The following MYBL1 variants were observed in gnomAD, a reference collection of about 807,000 sequenced individuals.
The protein encoded by MYBL1 is MYB proto-oncogene like 1, also known as myb-related protein A.
Under a neutral mutation model 96.3 loss-of-function variants are expected in MYBL1, and 17 were observed. That is an observed-to-expected ratio of 0.18 (90% CI 0.12 to 0.26). MYBL1 has a LOEUF of 0.26. Among genes scored for constraint, MYBL1 ranks in the 10% least tolerant of loss-of-function variants. The pLI is 1.00. For synonymous variants in MYBL1, 282 were observed against 292.7 expected, an observed-to-expected ratio of 0.96 and a Z score of 0.37; for missense variants, 701 against 882.9, an observed-to-expected ratio of 0.79 and a Z score of 2.61.
At position 66,579,237 on chromosome 8, in the gene MYBL1, A is replaced by T. The variant is rs554433067; in HGVS notation, c.1101+896T>A. Among the ~76,000 whole-genome samples the T allele has an allele frequency of 2.3e-4, 35 of 151,992 alleles. 1 individual carries two copies. The highest frequency in any genetic ancestry group is 2.1e-4 in the South Asian group (1 of 4,812). Reference sequence around the variant, plus strand: ...CTAAAACTTAAAGTATAATAATAATAAAAAAATTAAAAAAAAATTTTTTTT... The same window carrying T: ...CTAAAACTTAAAGTATAATAATAATTAAAAAATTAAAAAAAAATTTTTTTT... On this transcript the variant is annotated intron_variant, in intron 9 of 15. Transcript: ENST00000522677.
At position 66,613,178 on chromosome 8, in the gene MYBL1, C is replaced by T; in HGVS notation, c.-340G>A. On this transcript the variant is annotated 5_prime_UTR_variant, in exon 1 of 16. Transcript: ENST00000522677. ...GGCCCCAGCCCGGCTCCGCCACAGG[C>T]GCCCGACCCCTGCCCTCTCCCCCGC... The T allele has an allele frequency of 5.0e-6, 2 of 400,994 alleles. No individual in the cohort carries two copies. The highest frequency in any genetic ancestry group is 3.6e-5 in the East Asian group (1 of 28,066). The allele number at this position is 400,994 out of a possible 1,614,324, so 24.8% of individuals were successfully genotyped here.
chr8:66,597,884 A>G (rs1013008303), intron 4 of MYBL1, among the ~76,000 whole-genome samples: 3 of 150,510 alleles, frequency 2.0e-5, no homozygotes, highest in African/African-American at 4.9e-5. Flanking sequence ...CGCTTCAGCC[A>G]AAAGCAAAAA....
In MYBL1 at chr8:66,566,927, G is replaced by C; in HGVS notation, c.1794C>G (p.Asp598Glu). ...GTTCATCTTCCTCTTTGAGGAATAG[G>C]TCTGTTCCAGTTTCTTCTTTTAAAA... ...REVLKEETGT[D>E]LFLKEEDEPA... Residue 598 changes from aspartate (D) to glutamate (E), a missense_variant, in exon 13 of 16, where the codon GAC becomes GAG. Physicochemically the swap from Asp to Glu is conservative, Grantham distance 45. Coordinates refer to ENST00000522677, the MANE Select transcript of MYBL1 (RefSeq NM_001080416.4). 6.2e-7 allele frequency: 1 copy of C among 1,613,322 alleles called. No homozygotes were observed. The highest frequency in any genetic ancestry group is 8.5e-7 in the Non-Finnish European group (1 of 1,179,582).
At position 66,592,607 on chromosome 8, in the gene MYBL1, C is replaced by T. The variant is rs1018353081; in HGVS notation, c.763-63G>A. On this transcript the variant is annotated intron_variant, in intron 7 of 15. Transcript: ENST00000522677. ...ATATAATTGCTTTATTATTAGTATTCTCATTTTTATTTTCTTCTATGCAAC... is the reference window on the plus strand; with the variant it reads ...ATATAATTGCTTTATTATTAGTATTTTCATTTTTATTTTCTTCTATGCAAC... The T allele has an allele frequency of 3.4e-4, 325 of 960,088 alleles. 2 individuals are homozygous for T. The highest frequency in any genetic ancestry group is 8.2e-5 in the Non-Finnish European group (53 of 649,506). 59.5% of individuals were successfully genotyped at this position (960,088 alleles called of 1,614,324 possible).
At chr8:66,565,454 CCAA>C (rs1808467738) in intron 15 of MYBL1, 1 of 151,324 alleles carries the variant, frequency 6.6e-6, no homozygotes, top group Non-Finnish European at 1.5e-5. Flanking sequence ...TATGTAATTG[CCAA>C]AGACGTTTTC....
chr8:66,598,512 T>C (rs1809939548), intron 4 of MYBL1, among the ~76,000 whole-genome samples: 1 of 152,220 alleles, frequency 6.6e-6, no homozygotes, highest in Admixed American at 6.5e-5. Context: ...TAAAGGGCAT[T>C]AACTAAAGAG....
chr8:66,602,314 G>T (rs1300188023), intron 2 of MYBL1, 104 bp downstream of exon 2: 1 of 654,744 alleles, frequency 1.5e-6, no homozygotes, highest in Non-Finnish European at 2.4e-6. Flanking sequence ...GCCTCCCAAA[G>T]GGCTGGGATT....
intron 12 of MYBL1, among the ~76,000 whole-genome samples, chr8:66,568,145 A>G (rs767557119): frequency 6.6e-6 from 1 of 152,144 alleles, no homozygotes; most frequent in Non-Finnish European, 1.5e-5. Flanking sequence ...GTATTCATAT[A>G]TAAATGAGAT....
chr8:66,611,704 A>C (rs1003385128), intron 1 of MYBL1, among the ~76,000 whole-genome samples: 1 of 152,218 alleles, frequency 6.6e-6, no homozygotes, highest in African/African-American at 2.4e-5. Flanking sequence ...AAGCTTACAG[A>C]GACTTAAGGA....
intron 1 of MYBL1, chr8:66,612,589 G>A (rs1810575063): frequency 2.4e-6 from 1 of 416,516 alleles, no homozygotes; most frequent in Non-Finnish European, 4.1e-6. Context: ...GAGAGTCACC[G>A]AGAAACCTGG....
chr8:66,608,797 C>T (rs887314827), intron 1 of MYBL1, among the ~76,000 whole-genome samples: 3 of 152,020 alleles, frequency 2.0e-5, no homozygotes, highest in African/African-American at 7.2e-5. Flanking sequence ...TTAAATAAAC[C>T]ATTCCTAGCC....
intron 12 of MYBL1, among the ~76,000 whole-genome samples, chr8:66,570,893 C>T (rs1175685713): frequency 6.6e-6 from 1 of 152,050 alleles, no homozygotes; most frequent in African/African-American, 2.4e-5. Flanking sequence ...CTCTAGGAAG[C>T]TCTAAAGGAA....
intron 2 of MYBL1, 39 bp from the exon 3 acceptor site, chr8:66,601,808 G>A (rs765470139): frequency 8.2e-6 from 9 of 1,091,730 alleles, no homozygotes; most frequent in South Asian, 1.5e-5. Flanking sequence ...CTTTCCCCCC[G>A]TCCTTTTCCT....
intron 1 of MYBL1, among the ~76,000 whole-genome samples, chr8:66,603,963 A>G (rs1238037681): frequency 6.9e-6 from 1 of 144,688 alleles, no homozygotes; most frequent in African/African-American, 2.9e-5. Flanking sequence ...TACAATTCAT[A>G]TGAAAAAAAA....
chr8:66,581,777 C>T (rs1468795376), intron 8 of MYBL1, among the ~76,000 whole-genome samples: 4 of 151,880 alleles, frequency 2.6e-5, no homozygotes, highest in Non-Finnish European at 5.9e-5. Flanking sequence ...ATCTTACAGG[C>T]CAGAAGAGAA....
At chr8:66,567,996 G>A (rs1237578212) in intron 12 of MYBL1, among the ~76,000 whole-genome samples, 9 of 140,890 alleles carry the variant, frequency 6.4e-5, no homozygotes, top group Admixed American at 3.7e-4. Context: ...GCAGTGAGCC[G>A]AAATCACGCC....
intron 1 of MYBL1, among the ~76,000 whole-genome samples, chr8:66,608,183 A>T (rs971285999): frequency 7.2e-5 from 11 of 152,318 alleles, no homozygotes; most frequent in African/African-American, 2.6e-4. Flanking sequence ...TTAACTGTAA[A>T]ATTTTGCCCC....
intron 9 of MYBL1, 149 bp from the exon 10 acceptor site, chr8:66,576,524 A>C: frequency 3.7e-6 from 3 of 814,826 alleles, no homozygotes; most frequent in Non-Finnish European, 3.8e-6. Context: ...AAGCAAGACC[A>C]TTTAAGAGGA....
rs1228680263 is a variant in MYBL1 at position 66,612,801 on chromosome 8, G to A, written c.20+18C>T. On this transcript the variant is annotated intron_variant, in intron 1 of 15. Transcript: ENST00000522677. Reference sequence around the variant, plus strand: ...CGAGACGGCGCCGACAGGCCTGGGCGAAAGGGGTGCCACCCACCTGCGCGA... The same window carrying A: ...CGAGACGGCGCCGACAGGCCTGGGCAAAAGGGGTGCCACCCACCTGCGCGA... 2 of 1,362,930 alleles carry A rather than the reference G, an allele frequency of 1.5e-6. No individual in the cohort carries two copies. Among genetic ancestry groups the A allele is most frequent in the Non-Finnish European group, 1.9e-6 (2 of 1,049,374 alleles). 84.4% of individuals were successfully genotyped at this position (1,362,930 alleles called of 1,614,324 possible). A position where few individuals can be genotyped will look rare whatever the true frequency, so the allele number is the denominator to read the frequency against.
Sources: gnomAD v4.1 joint callset for allele counts (sites outside exome capture counted in the v4.1 genomes callset) on GRCh38, gnomAD v4.1.1 for gene constraint, MANE v1.5 for transcripts, NCBI Gene and HGNC (gene_info 2026-07-23, HGNC 2026-07-21) for gene names.